The following AGO2 variants were observed in gnomAD, a reference collection of about 807,000 sequenced individuals.
AGO2 encodes the protein protein argonaute-2.
AGO2 carries 5 observed loss-of-function variants against 102.3 expected under a neutral mutation model. That is an observed-to-expected ratio of 0.05 (90% CI 0.03 to 0.10). The LOEUF (loss-of-function observed/expected upper bound fraction) is 0.10, where lower values mean the gene tolerates loss of function less well. Ranked by LOEUF, AGO2 falls within the 10% of genes least tolerant of loss-of-function variation. The pLI is 1.00. For missense variants in AGO2, 541 were observed against 1,183.7 expected (o/e 0.46, Z 7.97); for synonymous variants, 449 against 473.1 (o/e 0.95, Z 0.66).
Position 140,547,638 on chromosome 8 carries a change from TGA to T in AGO2, c.1589-13_1589-12del. The T allele has an allele frequency of 6.2e-7, 1 of 1,608,400 alleles. No homozygotes were observed. Among genetic ancestry groups the T allele is most frequent in the Non-Finnish European group, 8.5e-7 (1 of 1,176,936 alleles). ...CGCGCTTGACCTCGGCTAAGGGACA[TGA>T]GAGGCACACACAGCTCTGCCGGCGC... On this transcript the variant is annotated splice_polypyrimidine_tract_variant and intron_variant, in intron 12 of 18. Transcript: ENST00000220592.
chr8:140,597,482 C>CA (rs1358107782), intron 1 of AGO2, among the ~76,000 whole-genome samples: 2 of 142,026 alleles, frequency 1.4e-5, no homozygotes, highest in East Asian at 2.1e-4. Flanking sequence ...CCACCCCCCC[C>CA]CCCCCGCCCC....
intron 8 of AGO2, 106 bp downstream of exon 8, chr8:140,556,983 C>A: frequency 1.4e-6 from 2 of 1,449,616 alleles, no homozygotes; most frequent in South Asian, 1.4e-5. Flanking sequence ...GAGGCAGTGC[C>A]ATTTGTATCT....
chr8:140,577,140 G>A (rs67479006), intron 2 of AGO2, among the ~76,000 whole-genome samples: 35,084 of 148,772 alleles, frequency 0.24, 4,577 homozygotes, highest in Non-Finnish European at 0.3. Context: ...CCCGGGAGGC[G>A]GAGCTTGCAG....
rs567750373 is a variant in AGO2, at chr8:140,545,346, G to A, written c.1749-1043C>T. Among the ~76,000 whole-genome samples, 24 of 152,256 alleles carry A rather than the reference G, an allele frequency of 1.6e-4. No homozygotes were observed. The South Asian group carries it at 2.5e-3, about 16-fold the overall frequency. Reference sequence around the variant, plus strand: ...ATGGCCGAGCCTCAGGCCTCGCTGCGTCTGGCCCGCTGCAGGACACACTTC... The same window carrying A: ...ATGGCCGAGCCTCAGGCCTCGCTGCATCTGGCCCGCTGCAGGACACACTTC... On this transcript the variant is annotated intron_variant, in intron 13 of 18. Coordinates refer to ENST00000220592, the MANE Select transcript of AGO2 (RefSeq NM_012154.5).
chr8:140,604,335 G>C (rs1262998913), intron 1 of AGO2, among the ~76,000 whole-genome samples: 2 of 152,182 alleles, frequency 1.3e-5, no homozygotes, highest in Admixed American at 6.5e-5. Context: ...AAAATGCTTA[G>C]GTATGTTGAA....
intron 1 of AGO2, among the ~76,000 whole-genome samples, chr8:140,588,771 C>G (rs560180660): frequency 6.6e-6 from 1 of 152,228 alleles, no homozygotes; most frequent in African/African-American, 2.4e-5. Context: ...GATGGCTCCC[C>G]GGGGCCCAGG....
At chr8:140,610,429 G>A (rs376249206) in intron 1 of AGO2, among the ~76,000 whole-genome samples, 1 of 152,126 alleles carries the variant, frequency 6.6e-6, no homozygotes, top group African/African-American at 2.4e-5. Flanking sequence ...ATGTTGACCA[G>A]GCTGGTATTG....
At chr8:140,594,021 C>T (rs770528222) in intron 1 of AGO2, among the ~76,000 whole-genome samples, 1 of 152,212 alleles carries the variant, frequency 6.6e-6, no homozygotes, top group Non-Finnish European at 1.5e-5. Flanking sequence ...CTGCCGGTGC[C>T]AAGCCCTGCA....
At chr8:140,551,649 T>TGGTTGATGGGTGGGTGGAG (rs1288620974) in intron 10 of AGO2, among the ~76,000 whole-genome samples, 1 of 150,568 alleles carries the variant, frequency 6.6e-6, no homozygotes, top group Admixed American at 6.6e-5. Flanking sequence ...GGTGGGTGGA[T>TGGTTGATGGGTGGGTGGAG]GGTTGATGGG....
chr8:140,616,782 C>A (rs1052954293), intron 1 of AGO2, among the ~76,000 whole-genome samples: 1 of 152,202 alleles, frequency 6.6e-6, no homozygotes. Flanking sequence ...GAGCTCACTG[C>A]CCCCACCTCA....
At chr8:140,607,698 T>G (rs548747606) in intron 1 of AGO2, among the ~76,000 whole-genome samples, 2 of 151,948 alleles carry the variant, frequency 1.3e-5, no homozygotes, top group South Asian at 2.1e-4. Flanking sequence ...AGTCCGCATG[T>G]ATAACCTCAG....
At chr8:140,561,559 A>C (rs929434918) in intron 4 of AGO2, among the ~76,000 whole-genome samples, 4 of 152,228 alleles carry the variant, frequency 2.6e-5, no homozygotes, top group Non-Finnish European at 5.9e-5. Context: ...AGTTCAAAGC[A>C]GAGACAGATT....
rs148575703 is a variant in AGO2 at position 140,544,246 on chromosome 8, G to A, written c.1806C>T (p.Pro602=). The A allele has an allele frequency of 2.4e-5, 38 of 1,592,324 alleles. No individual in the cohort carries two copies. The highest frequency in any genetic ancestry group is 1.2e-4 in the South Asian group (11 of 88,138). The change falls in exon 14 of 19, where the codon CCC becomes CCT. Residue 602 remains proline (P), a synonymous_variant. Coordinates refer to ENST00000220592, the MANE Select transcript of AGO2 (RefSeq NM_012154.5). ...IFLGADVTHP[P]AGDGKKPSIA... ...TGGAGGGCTTCTTCCCATCCCCGGCGGGGGGGTGAGTGACGTCTGCTCCCA... is the reference window on the plus strand; with the variant it reads ...TGGAGGGCTTCTTCCCATCCCCGGCAGGGGGGTGAGTGACGTCTGCTCCCA...
At position 140,521,378 on chromosome 8, in the gene AGO2, C is replaced by T. The variant is rs922591788; in HGVS notation, c.*10666G>A. On this transcript the variant is annotated 3_prime_UTR_variant, in exon 19 of 19. Coordinates refer to ENST00000220592, the MANE Select transcript of AGO2 (RefSeq NM_012154.5). The stretch of plus-strand genomic sequence containing the variant: ...TCCTGCAGCAAAAAGCCTCCCAAAT[C>T]AACTTTCAAAGTTCTGCCATTAAGG... The T allele has an allele frequency of 2.0e-5, 3 of 152,202 alleles. No homozygotes were observed. Among genetic ancestry groups the T allele is most frequent in the African/African-American group, 7.2e-5 (3 of 41,444 alleles). The allele number at this position is 152,202 out of a possible 1,614,324, so 9.4% of individuals were successfully genotyped here.
In AGO2 at chr8:140,562,506, A is replaced by G. The variant is rs1470220508; in HGVS notation, c.465T>C (p.Pro155=). 1.9e-6 allele frequency: 3 copies of G among 1,613,906 alleles called. No individual in the cohort carries two copies. Among genetic ancestry groups the G allele is most frequent in the Non-Finnish European group, 1.7e-6 (2 of 1,179,996 alleles). ...DALSGRLPSV[P]FETIQALDVV... ...CGTCCAGGGCCTGGATCGTCTCAAAAGGGACGCTGGGCAGCCGCCCTGAAA... is the reference window on the plus strand; with the variant it reads ...CGTCCAGGGCCTGGATCGTCTCAAAGGGGACGCTGGGCAGCCGCCCTGAAA... Residue 155 remains proline, a synonymous_variant, in exon 4 of 19, where the codon CCT becomes CCC. Transcript: ENST00000220592.
Position 140,562,555 on chromosome 8 carries a change from C to G in AGO2, c.416G>C (p.Ser139Thr). The change falls in exon 4 of 19, where the codon AGC becomes ACC. Residue 139 changes from serine to threonine, a missense_variant. Transcript: ENST00000220592. ...KVSIKWVSCV[S>T]LQALHDALSG... is the part of the protein sequence containing the mutation. ...AAGTGCATCGTGTAACGCCTGCAAG[C>G]TCACGCAGGACACCCACTTGATGGA... The G allele has an allele frequency of 1.9e-6, 3 of 1,614,160 alleles. No homozygotes were observed. Among genetic ancestry groups the G allele is most frequent in the Non-Finnish European group, 2.5e-6 (3 of 1,180,046 alleles).
chr8:140,541,452 T>C, intron 14 of AGO2, 94 bp from the exon 15 acceptor site: 2 of 1,188,630 alleles, frequency 1.7e-6, no homozygotes, highest in Non-Finnish European at 2.3e-6. Flanking sequence ...GGACGAGAAG[T>C]GTCCCCACCC....
At chr8:140,629,916 G>A (rs1399505471) in intron 1 of AGO2, among the ~76,000 whole-genome samples, 3 of 148,704 alleles carry the variant, frequency 2.0e-5, no homozygotes, top group Non-Finnish European at 3.0e-5. Flanking sequence ...CGGAGGCGAG[G>A]GGAGGGGAGC....
intron 1 of AGO2, among the ~76,000 whole-genome samples, chr8:140,619,572 A>G (rs2074188598): frequency 1.3e-5 from 2 of 152,308 alleles, no homozygotes; most frequent in South Asian, 4.1e-4. Context: ...TGCGCCGCAG[A>G]GCACAGAAGA....
Sources: gnomAD v4.1 joint callset for allele counts (sites outside exome capture counted in the v4.1 genomes callset) on GRCh38, gnomAD v4.1.1 for gene constraint, MANE v1.5 for transcripts, NCBI Gene and HGNC (gene_info 2026-07-23, HGNC 2026-07-21) for gene names.